IL15: variants seen among roughly 807,000 people sequenced by gnomAD.
The protein encoded by IL15 is interleukin-15.
Under a neutral mutation model 19.6 loss-of-function variants are expected in IL15, and 11 were observed. The ratio of observed to expected loss-of-function variants is 0.56; its 90% CI spans 0.35 to 0.93. IL15 has a LOEUF of 0.93. Among genes scored for constraint, IL15 ranks in the 40% least tolerant of loss-of-function variants. The pLI, the probability that IL15 is intolerant of heterozygous loss-of-function variation, is 0.01. For synonymous variants in IL15, 58 were observed against 59.6 expected (o/e 0.97, Z 0.12); for missense variants, 197 against 186.5 (o/e 1.06, Z -0.33).
At chr4:141,726,889 A>C (rs1730284562) in intron 5 of IL15, among the ~76,000 whole-genome samples, 1 of 152,192 alleles carries the variant, frequency 6.6e-6, no homozygotes, top group Non-Finnish European at 1.5e-5. Flanking sequence ...GAAATAAGCT[A>C]TCAAGCCATG....
At chr4:141,732,367 A>C (rs1055632065) in intron 7 of IL15, among the ~76,000 whole-genome samples, 1 of 152,174 alleles carries the variant, frequency 6.6e-6, no homozygotes, top group South Asian at 2.1e-4. Context: ...CATTGAGGCA[A>C]GGGGGATATG....
chr4:141,724,171 G>A (rs911662687), intron 5 of IL15, among the ~76,000 whole-genome samples: 1 of 151,496 alleles, frequency 6.6e-6, no homozygotes, highest in Non-Finnish European at 1.5e-5. Context: ...AAATACAACG[G>A]GCAAATCTCC....
intron 2 of IL15, among the ~76,000 whole-genome samples, chr4:141,699,756 G>C (rs946318859): frequency 2.0e-5 from 3 of 152,050 alleles, no homozygotes; most frequent in Admixed American, 2.0e-4. Context: ...ACAGATATTT[G>C]GTTAGTGGCT....
At chr4:141,701,711 G>A (rs1729325296) in intron 2 of IL15, among the ~76,000 whole-genome samples, 1 of 152,114 alleles carries the variant, frequency 6.6e-6, no homozygotes, top group African/African-American at 2.4e-5. Context: ...AGGTGGCTAA[G>A]GGAGTTCTCA....
chr4:141,697,589 A>G (rs542521810), intron 2 of IL15, among the ~76,000 whole-genome samples: 16 of 152,188 alleles, frequency 1.1e-4, no homozygotes, highest in African/African-American at 3.9e-4. Flanking sequence ...GAATGACCAG[A>G]TTGCTTTTGG....
At chr4:141,640,016 A>G (rs890036904) in intron 1 of IL15, among the ~76,000 whole-genome samples, 2 of 152,170 alleles carry the variant, frequency 1.3e-5, no homozygotes, top group Non-Finnish European at 2.9e-5. Flanking sequence ...ATGTGTGTGT[A>G]TGTATATATT....
chr4:141,642,045 TG>T (rs1028403114), intron 1 of IL15, among the ~76,000 whole-genome samples: 1 of 151,714 alleles, frequency 6.6e-6, no homozygotes, highest in African/African-American at 2.4e-5. Context: ...AACGTGCTCT[TG>T]AAAAAAAAAC....
chr4:141,710,430 C>CT (rs898908360), intron 2 of IL15, among the ~76,000 whole-genome samples: 29 of 151,904 alleles, frequency 1.9e-4, no homozygotes, highest in Middle Eastern at 3.4e-3. Flanking sequence ...CTTGGCATAT[C>CT]TTTTTTTTGT....
intron 2 of IL15, among the ~76,000 whole-genome samples, chr4:141,704,199 A>G (rs1333693403): frequency 6.6e-6 from 1 of 152,178 alleles, no homozygotes; most frequent in African/African-American, 2.4e-5. Context: ...TTTGTCATAT[A>G]TGACCTACTG....
chr4:141,654,640 A>G (rs1242492218), intron 1 of IL15, among the ~76,000 whole-genome samples: 1 of 152,188 alleles, frequency 6.6e-6, no homozygotes, highest in Non-Finnish European at 1.5e-5. Flanking sequence ...ACTTGGCCAT[A>G]TAGAGGCCTA....
chr4:141,671,556 C>T (rs1008884242), intron 2 of IL15, among the ~76,000 whole-genome samples: 1 of 152,080 alleles, frequency 6.6e-6, no homozygotes, highest in Non-Finnish European at 1.5e-5. Context: ...TGGGCTCATT[C>T]GATATCTCCT....
chr4:141,692,951 A>T (rs1229509449), intron 2 of IL15, among the ~76,000 whole-genome samples: 1 of 145,502 alleles, frequency 6.9e-6, no homozygotes, highest in African/African-American at 2.5e-5. Flanking sequence ...ACACTTCTAC[A>T]AAGGTACTAC....
chr4:141,719,397 G>T lies in IL15; in HGVS notation c.-68G>T. 1 of 742,378 alleles carries T rather than the reference G, an allele frequency of 1.3e-6. No homozygotes were observed. The highest frequency in any genetic ancestry group is 2.4e-6 in the Non-Finnish European group (1 of 408,304). The allele number at this position is 742,378 out of a possible 1,614,324, so 46.0% of individuals were successfully genotyped here. A position where few individuals can be genotyped will look rare whatever the true frequency, so the allele number is the denominator to read the frequency against. ...TTGTAGGAGGCATTGTGGATGGATG[G>T]CTGCTGGAAACCCCTTGCCATAGCC... On this transcript the variant is annotated 5_prime_UTR_variant, in exon 3 of 8. Coordinates refer to ENST00000320650, the MANE Select transcript of IL15 (RefSeq NM_000585.5).
chr4:141,663,200 T>C (rs1157706293), intron 2 of IL15, among the ~76,000 whole-genome samples: 1 of 152,184 alleles, frequency 6.6e-6, no homozygotes, highest in Non-Finnish European at 1.5e-5. Flanking sequence ...TCAACAGCCA[T>C]TGTGGATATT....
At chr4:141,675,413 C>T (rs1472691494) in intron 2 of IL15, among the ~76,000 whole-genome samples, 1 of 152,140 alleles carries the variant, frequency 6.6e-6, no homozygotes, top group East Asian at 1.9e-4. Flanking sequence ...GTAACCCCCT[C>T]CTGTTGGTAA....
Position 141,721,927 on chromosome 4 carries a change from T to C in IL15, c.114T>C (p.Cys38=). ...TGCTCTATGGTTTTTCTTTCAGCTG[T>C]TTCAGTGCAGGGCTTCCTAAAACAG... ...EAGIHVFILG[C]FSAGLPKTEA... The change falls in exon 5 of 8, where the codon TGT becomes TGC. Residue 38 remains cysteine (C), a synonymous_variant. Coordinates refer to ENST00000320650, the MANE Select transcript of IL15 (RefSeq NM_000585.5). The C allele has an allele frequency of 1.3e-6, 2 of 1,583,962 alleles. No individual in the cohort carries two copies. Among genetic ancestry groups the C allele is most frequent in the Non-Finnish European group, 1.7e-6 (2 of 1,158,882 alleles).
At position 141,732,927 on chromosome 4, in the gene IL15, A is replaced by G; in HGVS notation, c.*79A>G. ...GCTTAGACATAACAAAACACTCGGC[A>G]TTTCAAATGTGCTGTCAAAACAAGT... On this transcript the variant is annotated 3_prime_UTR_variant, in exon 8 of 8. Coordinates refer to ENST00000320650, the MANE Select transcript of IL15 (RefSeq NM_000585.5). 1 of 1,526,008 alleles carries G rather than the reference A, an allele frequency of 6.6e-7. No homozygotes were observed. Among genetic ancestry groups the G allele is most frequent in the Non-Finnish European group, 8.8e-7 (1 of 1,142,094 alleles). 94.5% of individuals were successfully genotyped at this position (1,526,008 alleles called of 1,614,324 possible).
chr4:141,665,047 T>C (rs993758050), intron 2 of IL15, among the ~76,000 whole-genome samples: 1 of 152,114 alleles, frequency 6.6e-6, no homozygotes, highest in Non-Finnish European at 1.5e-5. Context: ...TTTTGTTTTG[T>C]TGTTTTTTTA....
At chr4:141,716,952 T>C (rs1579047439) in intron 2 of IL15, 1 of 152,228 alleles carries the variant, frequency 6.6e-6, no homozygotes, top group Non-Finnish European at 1.5e-5. Context: ...CATTTTAGAA[T>C]GGGAATGTCT....
Sources: allele counts gnomAD v4.1 joint callset (sites outside exome capture counted in the v4.1 genomes callset), GRCh38; gene constraint gnomAD v4.1.1; transcripts MANE v1.5; gene names NCBI Gene and HGNC (gene_info 2026-07-23, HGNC 2026-07-21).